The following LONP1 variants were observed in gnomAD, a reference collection of about 807,000 sequenced individuals.
The protein encoded by LONP1 is lon protease homolog, mitochondrial.
In LONP1, 31 loss-of-function variants were observed where a neutral mutation model predicts 98.5. That is an observed-to-expected ratio of 0.31 (90% confidence interval 0.24 to 0.42). The LOEUF (loss-of-function observed/expected upper bound fraction) is 0.42. Among genes scored for constraint, LONP1 ranks in the 20% least tolerant of loss-of-function variants. LONP1 has a pLI of 1.00. For synonymous variants in LONP1, 781 were observed against 594.7 expected, an observed-to-expected ratio of 1.31 and a Z score of -4.56; for missense variants, 1,336 against 1,350.6, an observed-to-expected ratio of 0.99 and a Z score of 0.17.
At chr19:5,720,260 G>A, upstream of LONP1, 13 of 1,296,838 alleles carry the variant, frequency 1.0e-5, no homozygotes, top group South Asian at 2.2e-4. Flanking sequence ...CAGGGAGCTG[G>A]GCCTACGCGG....
chr19:5,692,903 T>TGG (rs2054854949), intron 17 of LONP1, among the ~76,000 whole-genome samples: 1 of 150,718 alleles, frequency 6.6e-6, no homozygotes, highest in African/African-American at 2.4e-5. Flanking sequence ...GAGGGAAGAG[T>TGG]GGGGACAGTG....
chr19:5,713,333 G>T, intron 2 of LONP1, 80 bp from the exon 3 acceptor site: 7 of 1,462,136 alleles, frequency 4.8e-6, no homozygotes, highest in South Asian at 1.1e-5. Context: ...ATGGAGGAGG[G>T]AGAGAAAAGA....
intron 11 of LONP1, 133 bp downstream of exon 11, chr19:5,696,537 T>TC: frequency 7.8e-7 from 1 of 1,280,962 alleles, no homozygotes; most frequent in South Asian, 1.4e-5. Context: ...GAGGGACCCG[T>TC]CCGTGCCATC....
At chr19:5,703,201 A>AG (rs397739441) in intron 8 of LONP1, among the ~76,000 whole-genome samples, 1 of 151,050 alleles carries the variant, frequency 6.6e-6, no homozygotes, top group African/African-American at 2.4e-5. Flanking sequence ...AAAAAAAAAA[A>AG]TTTACAAACT....
rs1274574236 is a variant in LONP1 at position 5,710,077 on chromosome 19, TC to T, written c.871-1675del. ...AGGACAGTGTAGCCGCTGGTGGCTG[TC>T]TGAATTTTTTTTTTTTTTTTTTGAG... On this transcript the variant is annotated intron_variant, in intron 4 of 17. Transcript: ENST00000360614. Among the ~76,000 whole-genome samples, 8 of 151,460 alleles carry T rather than the reference TC, an allele frequency of 5.3e-5. No individual in the cohort carries two copies. The East Asian group carries it at 1.6e-3, about 29-fold the overall frequency.
Position 5,713,267 on chromosome 19 carries a change from GCA to G in LONP1, c.519-16_519-15del. On this transcript the variant is annotated splice_polypyrimidine_tract_variant and intron_variant, in intron 2 of 17. Coordinates refer to ENST00000360614, the MANE Select transcript of LONP1 (RefSeq NM_004793.4). Reference sequence around the variant, plus strand: ...TCCGACTCATTGCTGTGGGAGAAGAGCACAGAGGAATGTTGGAACATGGCTTT... The same window carrying G: ...TCCGACTCATTGCTGTGGGAGAAGAGCAGAGGAATGTTGGAACATGGCTTT... The G allele has an allele frequency of 1.2e-6, 2 of 1,613,760 alleles. No homozygotes were observed. The highest frequency in any genetic ancestry group is 1.7e-6 in the Non-Finnish European group (2 of 1,179,756).
chr19:5,708,906 G>A (rs147426873), intron 4 of LONP1: 2,672 of 152,990 alleles, frequency 0.017, 48 homozygotes, highest in East Asian at 0.036. Context: ...CCAGCTACTC[G>A]GGAGGCTGAG....
intron 8 of LONP1, among the ~76,000 whole-genome samples, chr19:5,701,560 T>C (rs1036993125): frequency 4.6e-5 from 7 of 151,814 alleles, no homozygotes; most frequent in African/African-American, 9.7e-5. Flanking sequence ...CTCCAGGTCC[T>C]AACCGCGAGT....
Position 5,693,606 on chromosome 19 carries a change from G to T in LONP1, c.2484C>A (p.His828Gln). The change falls in exon 16 of 18, where the codon CAC (histidine) becomes CAA (glutamine). Residue 828 changes from histidine (H) to glutamine (Q), a missense_variant. Physicochemically the swap from His to Gln is conservative, Grantham distance 24. Coordinates refer to ENST00000360614, the MANE Select transcript of LONP1 (RefSeq NM_004793.4). ...YTFARAFLMQHAPANDYLVTS... is the reference protein window; with the variant it reads ...YTFARAFLMQQAPANDYLVTS... The stretch of plus-strand genomic sequence containing the variant: ...TCACCAGGTAGTCATTGGCGGGGGC[G>T]TGCTGCATGAGGAAGGCTCTGGCGA... The T allele has an allele frequency of 6.2e-7, 1 of 1,614,074 alleles. No individual in the cohort carries two copies. Among genetic ancestry groups the T allele is most frequent in the Non-Finnish European group, 8.5e-7 (1 of 1,179,982 alleles).
intron 13 of LONP1, 43 bp from the exon 14 acceptor site, chr19:5,694,944 C>A: frequency 2.5e-6 from 4 of 1,574,666 alleles, no homozygotes; most frequent in South Asian, 1.1e-5. Flanking sequence ...GGGACCTTGC[C>A]CACCAGCTCA....
chr19:5,700,998 G>A (rs2055031296), intron 8 of LONP1, 71 bp from the exon 9 acceptor site: 1 of 1,586,456 alleles, frequency 6.3e-7, no homozygotes, highest in Non-Finnish European at 8.6e-7. Context: ...GGACTTGGCT[G>A]GGTGGTTGCA....
Position 5,700,810 on chromosome 19 carries a change from C to T in LONP1, c.1485G>A (p.Glu495=). ...TCACCAGGATGCGTTTCTTGACGTC[C>T]TCCATGCCGTAGTGGTCTTCCTCCA... The part of the protein sequence containing the change: ...AVLEEDHYGM[E]DVKKRILEFI... The change falls in exon 9 of 18, where the codon GAG becomes GAA. Residue 495 remains glutamate (E), a synonymous_variant. Coordinates refer to ENST00000360614, the MANE Select transcript of LONP1 (RefSeq NM_004793.4). 1 of 1,614,202 alleles carries T rather than the reference C, an allele frequency of 6.2e-7. No individual in the cohort carries two copies. Among genetic ancestry groups the T allele is most frequent in the Non-Finnish European group, 8.5e-7 (1 of 1,180,026 alleles).
At chr19:5,704,499 A>G (rs117965778) in intron 8 of LONP1, among the ~76,000 whole-genome samples, 2,399 of 152,204 alleles carry the variant, frequency 0.016, 42 homozygotes, top group East Asian at 0.036. Flanking sequence ...GCCAGGAAAG[A>G]AACTCATGCC....
At chr19:5,710,603 C>T (rs1197420468) in intron 4 of LONP1, among the ~76,000 whole-genome samples, 1 of 152,010 alleles carries the variant, frequency 6.6e-6, no homozygotes, top group East Asian at 1.9e-4. Flanking sequence ...GTTTTGAACT[C>T]CAGGGCTCAA....
At chr19:5,701,714 C>T (rs1199173368) in intron 8 of LONP1, among the ~76,000 whole-genome samples, 5 of 152,182 alleles carry the variant, frequency 3.3e-5, no homozygotes, top group Admixed American at 3.3e-4. Context: ...GCCTTAGCCT[C>T]CCAAAGTGCC....
At chr19:5,714,149 G>A (rs374952342) in intron 2 of LONP1, 34 bp downstream of exon 2, 156 of 1,550,734 alleles carry the variant, frequency 1.0e-4, no homozygotes, top group Non-Finnish European at 3.5e-5. Flanking sequence ...CTAGGGCACC[G>A]TCAACAAGGG....
In LONP1 at chr19:5,692,020, C is replaced by T. The variant is rs750617038; in HGVS notation, c.*12G>A. 8 of 1,125,786 alleles carry T rather than the reference C, an allele frequency of 7.1e-6. No individual in the cohort carries two copies. The highest frequency in any genetic ancestry group is 4.6e-5 in the Admixed American group (2 of 43,928). 69.7% of individuals were successfully genotyped at this position (1,125,786 alleles called of 1,614,324 possible). A position where few individuals can be genotyped will look rare whatever the true frequency, so the allele number is the denominator to read the frequency against. On this transcript the variant is annotated 3_prime_UTR_variant, in exon 18 of 18. Transcript: ENST00000360614. ...GGCCTGACATCCGCCGCCTGCAGTC[C>T]CGGGGTGGCCGTCACCGTTCCACGG...
chr19:5,713,104 ACCTCCCACTGTCCCCCG>A lies in LONP1; in HGVS notation c.638+13_638+29del, dbSNP rs759387332. ...GTCTCCCGCGTGGTACTCTGCCCCC[ACCTCCCACTGTCCCCCG>A]CCAGCCACCCACCTTCTGTGTCCCA... On this transcript the variant is annotated intron_variant, in intron 3 of 17. Transcript: ENST00000360614. The A allele has an allele frequency of 1.6e-5, 25 of 1,607,382 alleles. No homozygotes were observed. The African/African-American group carries it at 2.8e-4, about 18-fold the overall frequency.
chr19:5,693,294 T>C lies in LONP1; in HGVS notation c.2703+4A>G, dbSNP rs368165299. ...TGCTGTGGGGTGGGTACAGGGACAC[T>C]CACCGCAATGGTCTTCTCCTTGATG... On this transcript the variant is annotated splice_donor_region_variant and intron_variant, in intron 17 of 17. Transcript: ENST00000360614. 1.9e-6 allele frequency: 3 copies of C among 1,607,594 alleles called. No individual in the cohort carries two copies. The highest frequency in any genetic ancestry group is 2.7e-5 in the African/African-American group (2 of 74,790).
Sources: allele counts gnomAD v4.1 joint callset (sites outside exome capture counted in the v4.1 genomes callset), GRCh38; gene constraint gnomAD v4.1.1; transcripts MANE v1.5; gene names NCBI Gene and HGNC (gene_info 2026-07-23, HGNC 2026-07-21).